MAGI2: variants seen among roughly 807,000 people sequenced by gnomAD.
MAGI2 encodes the protein membrane associated guanylate kinase, WW and PDZ domain containing 2.
A neutral mutation model predicts 133.3 loss-of-function variants in MAGI2; 35 were observed. That is an observed-to-expected ratio of 0.26 (90% confidence interval 0.20 to 0.35). The LOEUF is 0.35. Among genes scored for constraint, MAGI2 ranks in the 10% least tolerant of loss-of-function variants. MAGI2 has a pLI of 1.00. For synonymous variants in MAGI2, 729 were observed against 710.6 expected, an observed-to-expected ratio of 1.03 and a Z score of -0.41; for missense variants, 1,636 against 1,863.4, an observed-to-expected ratio of 0.88 and a Z score of 2.25.
chr7:78,586,860 T>C (rs1201571756), intron 3 of MAGI2, among the ~76,000 whole-genome samples: 2 of 152,236 alleles, frequency 1.3e-5, no homozygotes, highest in Non-Finnish European at 2.9e-5. Flanking sequence ...TTTCACTAAG[T>C]ATAATGTCTT....
chr7:79,412,055 C>A (rs1279320842), intron 1 of MAGI2: 1 of 151,942 alleles, frequency 6.6e-6, no homozygotes, highest in East Asian at 1.9e-4. Context: ...GATTTCATCA[C>A]TTTTTCATTC....
chr7:79,244,572 C>T (rs1231271844), intron 1 of MAGI2, among the ~76,000 whole-genome samples: 1 of 152,148 alleles, frequency 6.6e-6, no homozygotes, highest in East Asian at 1.9e-4. Context: ...CCAGCCATAG[C>T]CAGAGGGGAA....
At chr7:78,980,090 C>G (rs1804645650) in intron 2 of MAGI2, among the ~76,000 whole-genome samples, 2 of 151,686 alleles carry the variant, frequency 1.3e-5, no homozygotes. Flanking sequence ...TGGAGCTGGA[C>G]TACCTAGGTG....
intron 1 of MAGI2, among the ~76,000 whole-genome samples, chr7:79,252,000 T>C (rs1390443785): frequency 6.6e-6 from 1 of 151,222 alleles, no homozygotes; most frequent in Admixed American, 6.6e-5. Flanking sequence ...TTACTAAAAA[T>C]AGAAAAATTA....
At chr7:79,352,035 CG>C (rs1247415836) in intron 1 of MAGI2, 1 of 151,996 alleles carries the variant, frequency 6.6e-6, no homozygotes, top group Non-Finnish European at 1.5e-5. Flanking sequence ...ATACTTTTCC[CG>C]TAGCACTAGA....
At chr7:79,220,454 C>T (rs1387579433) in intron 1 of MAGI2, among the ~76,000 whole-genome samples, 4 of 151,932 alleles carry the variant, frequency 2.6e-5, no homozygotes, top group Non-Finnish European at 4.4e-5. Flanking sequence ...TCTTTAATGA[C>T]CCCAATACAT....
chr7:78,024,970 G>A (rs550205297), intron 21 of MAGI2, among the ~76,000 whole-genome samples: 2 of 152,264 alleles, frequency 1.3e-5, no homozygotes, highest in South Asian at 4.1e-4. Context: ...ATCTCTTTGA[G>A]ACATAAATTA....
At chr7:78,290,386 A>G (rs113885095) in intron 9 of MAGI2, among the ~76,000 whole-genome samples, 5 of 152,366 alleles carry the variant, frequency 3.3e-5, no homozygotes, top group African/African-American at 1.2e-4. Flanking sequence ...CAATGCAACA[A>G]GAAGAGCTAA....
intron 10 of MAGI2, among the ~76,000 whole-genome samples, chr7:78,240,725 A>T (rs1791048240): frequency 6.6e-6 from 1 of 152,196 alleles, no homozygotes; most frequent in Non-Finnish European, 1.5e-5. Flanking sequence ...ATTGTGCAGC[A>T]TGGTGATTAT....
intron 2 of MAGI2, among the ~76,000 whole-genome samples, chr7:78,653,664 T>A (rs768736931): frequency 6.6e-6 from 1 of 151,974 alleles, no homozygotes; most frequent in Admixed American, 6.6e-5. Context: ...GGGATAGCAT[T>A]AGGAGAAATA....
At chr7:78,446,600 G>A (rs116033013) in intron 6 of MAGI2, among the ~76,000 whole-genome samples, 3,434 of 152,170 alleles carry the variant, frequency 0.023, 120 homozygotes, top group African/African-American at 0.077. Flanking sequence ...TTTGTTACCA[G>A]TAGAAAGCTA....
intron 7 of MAGI2, among the ~76,000 whole-genome samples, chr7:78,349,596 A>G (rs1170227168): frequency 1.3e-5 from 2 of 152,166 alleles, no homozygotes; most frequent in African/African-American, 4.8e-5. Flanking sequence ...ATGAGTTTCT[A>G]GAGTTCACAG....
intron 2 of MAGI2, among the ~76,000 whole-genome samples, chr7:78,827,195 C>G (rs1790738465): frequency 6.6e-6 from 1 of 152,118 alleles, no homozygotes; most frequent in Non-Finnish European, 1.5e-5. Flanking sequence ...AGCAAGAAGC[C>G]TACCTAGGGC....
At chr7:78,884,842 T>C (rs1796142786) in intron 2 of MAGI2, among the ~76,000 whole-genome samples, 1 of 151,864 alleles carries the variant, frequency 6.6e-6, no homozygotes, top group South Asian at 2.1e-4. Context: ...CAAAAATAAG[T>C]GTTTCTACTA....
At chr7:78,067,646 C>T (rs1423490580) in intron 21 of MAGI2, among the ~76,000 whole-genome samples, 3 of 152,164 alleles carry the variant, frequency 2.0e-5, no homozygotes. Context: ...AATATTGAAT[C>T]CAAACAGCAC....
intron 2 of MAGI2, among the ~76,000 whole-genome samples, chr7:78,781,700 T>A (rs1220701526): frequency 6.6e-6 from 1 of 152,074 alleles, no homozygotes; most frequent in Non-Finnish European, 1.5e-5. Context: ...AGTAAAAAAT[T>A]ATATTAGAAA....
At chr7:78,837,535 G>A (rs897404860) in intron 2 of MAGI2, among the ~76,000 whole-genome samples, 3 of 152,044 alleles carry the variant, frequency 2.0e-5, no homozygotes, top group African/African-American at 7.2e-5. Context: ...GTTCTCCATG[G>A]TATTCATCAG....
At chr7:79,399,079 C>CTTTTTT (rs1197197628) in intron 1 of MAGI2, among the ~76,000 whole-genome samples, 1 of 114,604 alleles carries the variant, frequency 8.7e-6, no homozygotes, top group Non-Finnish European at 1.8e-5. Context: ...AGTATTATTT[C>CTTTTTT]TTTTTTTTTT....
chr7:79,338,656 A>C (rs1352398253), intron 1 of MAGI2, among the ~76,000 whole-genome samples: 1 of 152,088 alleles, frequency 6.6e-6, no homozygotes, highest in African/African-American at 2.4e-5. Flanking sequence ...CTGGAGAAAG[A>C]TCCTACTGCT....
Sources: allele counts gnomAD v4.1 joint callset (sites outside exome capture counted in the v4.1 genomes callset), GRCh38; gene constraint gnomAD v4.1.1; transcripts MANE v1.5; gene names NCBI Gene and HGNC (gene_info 2026-07-23, HGNC 2026-07-21).